PAG1: variants seen among roughly 807,000 people sequenced by gnomAD.
The protein encoded by PAG1 is phosphoprotein membrane anchor with glycosphingolipid microdomains 1.
In PAG1, 23 loss-of-function variants were observed where a neutral mutation model predicts 31.7. The observed-to-expected ratio is 0.73, with a 90% CI of 0.52 to 1.03. The LOEUF (loss-of-function observed/expected upper bound fraction) is 1.03, where lower values mean the gene tolerates loss of function less well. Ranked by LOEUF, PAG1 falls within the 50% of genes least tolerant of loss-of-function variation. The pLI is 0.00. For missense variants in PAG1, 473 were observed against 540.7 expected (o/e 0.87, Z 1.24); for synonymous variants, 214 against 210.3 (o/e 1.02, Z -0.15).
intron 3 of PAG1, among the ~76,000 whole-genome samples, chr8:81,010,816 C>T (rs1489555969): frequency 6.6e-6 from 1 of 152,200 alleles, no homozygotes; most frequent in Non-Finnish European, 1.5e-5. Flanking sequence ...GTTCCTTGGT[C>T]TCCTTGACCA....
Position 80,976,593 on chromosome 8 carries a change from T to C in PAG1, c.1250A>G (p.Tyr417Cys), listed in dbSNP as rs1807185382. The stretch of plus-strand genomic sequence containing the variant: ...TTGCTGCAAGTCACTTATGCTCTCG[T>C]AGTCGTTCTCCTTTGGGACGAGACC... ...HHGLVPKENDYESISDLQQGR... is the reference protein window; with the variant it reads ...HHGLVPKENDCESISDLQQGR... Residue 417 changes from tyrosine to cysteine, a missense_variant, in exon 9 of 9, where the codon TAC becomes TGC. Transcript: ENST00000220597. The C allele has an allele frequency of 3.1e-6, 5 of 1,613,926 alleles. No individual in the cohort carries two copies. The highest frequency in any genetic ancestry group is 3.3e-5 in the Admixed American group (2 of 59,990).
At chr8:80,982,522 C>CA (rs1807328875) in intron 7 of PAG1, among the ~76,000 whole-genome samples, 1 of 152,168 alleles carries the variant, frequency 6.6e-6, no homozygotes, top group Non-Finnish European at 1.5e-5. Context: ...CCTGTGACCT[C>CA]ACCCAATCTC....
At chr8:81,084,523 A>G (rs1809320603) in intron 1 of PAG1, among the ~76,000 whole-genome samples, 1 of 152,170 alleles carries the variant, frequency 6.6e-6, no homozygotes, top group Non-Finnish European at 1.5e-5. Context: ...TTTTGTTTCA[A>G]TATATTTCAA....
chr8:80,995,909 A>G (rs2130539134), intron 3 of PAG1, among the ~76,000 whole-genome samples: 1 of 152,342 alleles, frequency 6.6e-6, no homozygotes, highest in East Asian at 1.9e-4. Flanking sequence ...ATGAAAGGGG[A>G]TTATTACAAG....
At chr8:81,063,161 T>TG (rs1808945081) in intron 2 of PAG1, among the ~76,000 whole-genome samples, 2 of 152,214 alleles carry the variant, frequency 1.3e-5, no homozygotes, top group Admixed American at 1.3e-4. Flanking sequence ...CCAGTGGGCC[T>TG]GGGCAGGGCC....
At chr8:81,005,720 C>T (rs1027087269) in intron 3 of PAG1, among the ~76,000 whole-genome samples, 6 of 152,166 alleles carry the variant, frequency 3.9e-5, no homozygotes, top group Non-Finnish European at 8.8e-5. Context: ...TATCAGAGCG[C>T]GTGTCCTGCA....
intron 5 of PAG1, 38 bp from the exon 6 acceptor site, chr8:80,987,504 A>G (rs754447915): frequency 7.2e-7 from 1 of 1,385,386 alleles, no homozygotes; most frequent in Non-Finnish European, 1.0e-6. Flanking sequence ...AATGCATCAC[A>G]TTGCTAAGAA....
chr8:81,072,879 G>C (rs951175269), intron 1 of PAG1, among the ~76,000 whole-genome samples: 9 of 152,116 alleles, frequency 5.9e-5, no homozygotes, highest in African/African-American at 2.2e-4. Context: ...CATCCAATAC[G>C]CACAAAACAC....
intron 2 of PAG1, among the ~76,000 whole-genome samples, chr8:81,061,585 G>A (rs1441594719): frequency 1.3e-5 from 2 of 152,178 alleles, no homozygotes; most frequent in East Asian, 3.8e-4. Flanking sequence ...ACAGGGGTAG[G>A]TCCAAAGGAA....
intron 3 of PAG1, among the ~76,000 whole-genome samples, chr8:81,013,948 C>A (rs555751596): frequency 2.0e-5 from 3 of 152,246 alleles, no homozygotes; most frequent in Non-Finnish European, 4.4e-5. Flanking sequence ...TATAAAGAAC[C>A]ATAGAATGTT....
At chr8:80,998,575 CA>C (rs1807728357) in intron 3 of PAG1, among the ~76,000 whole-genome samples, 1 of 136,928 alleles carries the variant, frequency 7.3e-6, no homozygotes, top group Admixed American at 7.7e-5. Flanking sequence ...TATCAGCCAC[CA>C]AAATCAATTC....
intron 2 of PAG1, among the ~76,000 whole-genome samples, chr8:81,038,265 T>TCGCTAGC: frequency 6.6e-6 from 1 of 152,290 alleles, no homozygotes; most frequent in South Asian, 2.1e-4. Flanking sequence ...AGGTATGTGT[T>TCGCTAGC]TGAGATGCCA....
chr8:81,064,608 A>G (rs1016845731), intron 2 of PAG1, among the ~76,000 whole-genome samples: 5 of 152,026 alleles, frequency 3.3e-5, no homozygotes, highest in Admixed American at 1.3e-4. Flanking sequence ...CTTAACATAA[A>G]CGGTTAGATT....
At chr8:81,012,019 G>A (rs901958566) in intron 3 of PAG1, among the ~76,000 whole-genome samples, 1 of 152,144 alleles carries the variant, frequency 6.6e-6, no homozygotes. Flanking sequence ...TTTGGCATAG[G>A]GTCCTCAGTC....
chr8:81,049,035 T>C (rs1005564070), intron 2 of PAG1, among the ~76,000 whole-genome samples: 1 of 152,242 alleles, frequency 6.6e-6, no homozygotes, highest in Non-Finnish European at 1.5e-5. Flanking sequence ...TTAGAAGTGC[T>C]AGCATACAAT....
rs1307580316 is a variant in PAG1, at chr8:80,993,268, G to C, written c.-41C>G. The stretch of plus-strand genomic sequence containing the variant: ...TGGCACCAGCCGAGGGAATCAGTCA[G>C]TCCTTCAAAGGTGGTGACATGGAGG... On this transcript the variant is annotated 5_prime_UTR_variant, in exon 4 of 9. Transcript: ENST00000220597. The C allele has an allele frequency of 6.4e-7, 1 of 1,572,684 alleles. No homozygotes were observed. Among genetic ancestry groups the C allele is most frequent in the South Asian group, 1.2e-5 (1 of 85,312 alleles).
At chr8:81,041,062 G>A (rs1167676613) in intron 2 of PAG1, among the ~76,000 whole-genome samples, 2 of 152,170 alleles carry the variant, frequency 1.3e-5, no homozygotes, top group East Asian at 1.9e-4. Context: ...TTTCCACATC[G>A]ATCTGCCAAA....
chr8:81,022,459 G>A (rs557380377), intron 3 of PAG1, among the ~76,000 whole-genome samples: 43 of 152,196 alleles, frequency 2.8e-4, no homozygotes, highest in Middle Eastern at 3.4e-3. Flanking sequence ...AAATAACGAT[G>A]CTTATCTAAG....
intron 3 of PAG1, among the ~76,000 whole-genome samples, chr8:81,020,882 CATTCAG>C (rs1808153515): frequency 6.6e-6 from 1 of 152,224 alleles, no homozygotes; most frequent in Non-Finnish European, 1.5e-5. Context: ...CTCCAACACA[CATTCAG>C]AGTCAGAATT....
Sources: gnomAD v4.1 joint callset for allele counts (sites outside exome capture counted in the v4.1 genomes callset) on GRCh38, gnomAD v4.1.1 for gene constraint, MANE v1.5 for transcripts, NCBI Gene and HGNC (gene_info 2026-07-23, HGNC 2026-07-21) for gene names.